The following RNF112 variants were observed in gnomAD, a reference collection of about 807,000 sequenced individuals.
The protein encoded by RNF112 is ring finger protein 112.
RNF112 carries 34 observed loss-of-function variants against 64.7 expected under a neutral mutation model. The ratio of observed to expected loss-of-function variants is 0.53; its 90% CI spans 0.40 to 0.70. RNF112 has a LOEUF of 0.70. Among genes scored for constraint, RNF112 ranks in the 30% least tolerant of loss-of-function variants. The pLI is 0.00. For missense variants in RNF112, 734 were observed against 850.0 expected, an observed-to-expected ratio of 0.86 and a Z score of 1.70; for synonymous variants, 345 against 344.5, an observed-to-expected ratio of 1.00 and a Z score of -0.02.
Position 19,416,387 on chromosome 17 carries a change from C to G in RNF112, c.*212C>G. On this transcript the variant is annotated 3_prime_UTR_variant, in exon 14 of 14. Coordinates refer to ENST00000461366, the MANE Select transcript of RNF112 (RefSeq NM_007148.5). ...GCATCTGGGGGCAGTGGATAGAACA[C>G]CCGGCCTGTTTCTGGTTGCAGATGG... The G allele has an allele frequency of 1.9e-6, 1 of 533,204 alleles. No homozygotes were observed. The highest frequency in any genetic ancestry group is 3.3e-6 in the Non-Finnish European group (1 of 304,560). 33.0% of individuals were successfully genotyped at this position (533,204 alleles called of 1,614,324 possible).
At position 19,414,885 on chromosome 17, in the gene RNF112, G is replaced by A. The variant is rs1567936589; in HGVS notation, c.1124G>A (p.Gly375Asp). The A allele has an allele frequency of 1.2e-6, 2 of 1,613,280 alleles. No individual in the cohort carries two copies. The highest frequency in any genetic ancestry group is 2.2e-5 in the East Asian group (1 of 44,868). Residue 375 changes from glycine (G) to aspartate (D), a missense_variant and splice_region_variant, in exon 10 of 14, where the codon GGT (glycine) becomes GAT (aspartate). Physicochemically the swap from Gly to Asp is moderately conservative, Grantham distance 94. Coordinates refer to ENST00000461366, the MANE Select transcript of RNF112 (RefSeq NM_007148.5). ...RRMNQGHASP[G>D]DTDDDFRHLL... ...ATGAACCAAGGCCATGCAAGCCCTG[G>A]TGGTGAGTGTCTCTGAGAGCTGAAC...
Position 19,413,265 on chromosome 17 carries a change from T to C in RNF112, c.589-15T>C. On this transcript the variant is annotated splice_polypyrimidine_tract_variant and intron_variant, in intron 4 of 13. Coordinates refer to ENST00000461366, the MANE Select transcript of RNF112 (RefSeq NM_007148.5). The surrounding 1 kb of genome is among the most constrained non-coding windows in gnomAD (Gnocchi z 5.9). ...GGAACCGACCAACTGATGCTCTCCC[T>C]TCTCTCCCCTGCAGGAGTCTGGTGA... 2 of 1,602,142 alleles carry C rather than the reference T, an allele frequency of 1.2e-6. No homozygotes were observed. Among genetic ancestry groups the C allele is most frequent in the Non-Finnish European group, 1.7e-6 (2 of 1,171,922 alleles).
chr17:19,411,734 G>T, intron 2 of RNF112, 64 bp downstream of exon 2: 9 of 1,507,434 alleles, frequency 6.0e-6, no homozygotes, highest in Non-Finnish European at 8.1e-6. Flanking sequence ...AGTTGAAATG[G>T]CCGGTCCTGG....
rs748210557 is a variant in RNF112, at chr17:19,415,055, C to T, written c.1144C>T (p.Arg382Cys). 37 of 1,588,436 alleles carry T rather than the reference C, an allele frequency of 2.3e-5. No homozygotes were observed. Among genetic ancestry groups the T allele is most frequent in the Non-Finnish European group, 2.8e-5 (33 of 1,167,144 alleles). ...TCCCTCAGACACAGATGATGACTTC[C>T]GCCACCTTCTGGGGGCCTACGTCTC... is the stretch of plus-strand genomic sequence containing the variant. The part of the protein sequence containing the change: ...ASPGDTDDDF[R>C]HLLGAYVSDV... The change falls in exon 11 of 14, where the codon CGC (arginine) becomes TGC (cysteine). Residue 382 changes from arginine (R) to cysteine (C), a missense_variant. By Grantham distance (180) the Arg-to-Cys change is radical. Transcript: ENST00000461366. The surrounding 1 kb of genome is among the most constrained non-coding windows in gnomAD (Gnocchi z 7.8).
chr17:19,414,851 A>C lies in RNF112; in HGVS notation c.1090A>C (p.Arg364=). Residue 364 remains arginine (R), a synonymous_variant, in exon 10 of 14, where the codon AGG becomes CGG. Coordinates refer to ENST00000461366, the MANE Select transcript of RNF112 (RefSeq NM_007148.5). The part of the protein sequence containing the change: ...ARCCLLPAPG[R]RRMNQGHASP... The stretch of plus-strand genomic sequence containing the variant: ...TTGCTGCCTCTTGCCTGCCCCAGGG[A>C]GGCGGCGGATGAACCAAGGCCATGC... The C allele has an allele frequency of 2.5e-6, 4 of 1,613,674 alleles. No homozygotes were observed. Among genetic ancestry groups the C allele is most frequent in the Non-Finnish European group, 3.4e-6 (4 of 1,179,816 alleles).
At position 19,413,301 on chromosome 17, in the gene RNF112, C is replaced by T. The variant is rs766944827; in HGVS notation, c.610C>T (p.Pro204Ser). ...PGLESGEGGR[P>S]RGGEASLQGC... ...GCAGGAGTCTGGTGAGGGCGGCCGG[C>T]CAAGAGGAGGAGAGGCATCCCTGCA... Residue 204 changes from proline (P) to serine (S), a missense_variant, in exon 5 of 14, where the codon CCA becomes TCA. Pro to Ser is a moderately conservative substitution (Grantham distance 74). Transcript: ENST00000461366. The surrounding 1 kb of genome is among the most constrained non-coding windows in gnomAD (Gnocchi z 5.9). The T allele has an allele frequency of 6.2e-7, 1 of 1,611,594 alleles. No homozygotes were observed. Among genetic ancestry groups the T allele is most frequent in the South Asian group, 1.1e-5 (1 of 90,906 alleles).
rs766786565 is a variant in RNF112 at position 19,413,202 on chromosome 17, G to C, written c.588+58G>C. On this transcript the variant is annotated intron_variant, in intron 4 of 13. Transcript: ENST00000461366. The surrounding 1 kb of genome is among the most constrained non-coding windows in gnomAD (Gnocchi z 5.9). ...GAGCAAGGATGGGGGTTCCTGCCTG[G>C]GGGAAGCTGGGTCTGGTATTCCGGT... is the stretch of plus-strand genomic sequence containing the variant. 6.3e-7 allele frequency: 1 copy of C among 1,596,956 alleles called. No homozygotes were observed. Among genetic ancestry groups the C allele is most frequent in the African/African-American group, 1.3e-5 (1 of 74,796 alleles).
At position 19,412,061 on chromosome 17, in the gene RNF112, C is replaced by T. The variant is rs1298201587; in HGVS notation, c.95+391C>T. Among the ~76,000 whole-genome samples, 3 of 152,216 alleles carry T rather than the reference C, an allele frequency of 2.0e-5. No individual in the cohort carries two copies. Among genetic ancestry groups the T allele is most frequent in the Non-Finnish European group, 4.4e-5 (3 of 68,034 alleles). Reference sequence around the variant, plus strand: ...AGAGGCTCTTCCCAAGCATTTGCACCAGGCACTGTGCAGACAGCTGCACAC... The same window carrying T: ...AGAGGCTCTTCCCAAGCATTTGCACTAGGCACTGTGCAGACAGCTGCACAC... On this transcript the variant is annotated intron_variant, in intron 2 of 13. Coordinates refer to ENST00000461366, the MANE Select transcript of RNF112 (RefSeq NM_007148.5). This position sits in a 1 kb window ranked among gnomAD's most constrained non-coding sequence, Gnocchi z 5.1.
At chr17:19,411,762 C>A in intron 2 of RNF112, 92 bp downstream of exon 2, 2 of 1,357,000 alleles carry the variant, frequency 1.5e-6, no homozygotes, top group Non-Finnish European at 2.0e-6. Flanking sequence ...AGCCCGGCAG[C>A]CCAGCCGGGA....
rs756594677 is a variant in RNF112 at position 19,414,758 on chromosome 17, G to A, written c.1009-12G>A. ...CCTCCTAGCTCAGAGCACTCCTCTC[G>A]CTGCCTCACAGAGATTGTCTGGCAG... On this transcript the variant is annotated splice_polypyrimidine_tract_variant and intron_variant, in intron 9 of 13. Coordinates refer to ENST00000461366, the MANE Select transcript of RNF112 (RefSeq NM_007148.5). 1.3e-5 allele frequency: 21 copies of A among 1,612,568 alleles called. No homozygotes were observed. The highest frequency in any genetic ancestry group is 2.2e-5 in the East Asian group (1 of 44,884).
Position 19,417,219 on chromosome 17 carries a change from G to A in RNF112, c.*1044G>A, listed in dbSNP as rs954479669. 6.6e-6 allele frequency: 1 copy of A among 152,204 alleles called. No homozygotes were observed. Among genetic ancestry groups the A allele is most frequent in the African/African-American group, 2.4e-5 (1 of 41,448 alleles). The allele number at this position is 152,204 out of a possible 1,614,324, so 9.4% of individuals were successfully genotyped here. A position where few individuals can be genotyped will look rare whatever the true frequency, so the allele number is the denominator to read the frequency against. On this transcript the variant is annotated 3_prime_UTR_variant, in exon 14 of 14. Coordinates refer to ENST00000461366, the MANE Select transcript of RNF112 (RefSeq NM_007148.5). ...TGACTTCTAGGCTATGAAACTTACA[G>A]GGTATGGGTGGGCACATTATCCTTT...
rs1913833352 is a variant in RNF112, at chr17:19,415,231, A to G, written c.1296+24A>G. ...AGGTGTGAAAACTCCCTGGAGACCC[A>G]GGCGACTCGGCTGGGCCCCTGCTCT... is the stretch of plus-strand genomic sequence containing the variant. On this transcript the variant is annotated intron_variant, in intron 11 of 13. Coordinates refer to ENST00000461366, the MANE Select transcript of RNF112 (RefSeq NM_007148.5). This position sits in a 1 kb window ranked among gnomAD's most constrained non-coding sequence, Gnocchi z 7.8. 2 of 1,599,790 alleles carry G rather than the reference A, an allele frequency of 1.3e-6. No homozygotes were observed. Among genetic ancestry groups the G allele is most frequent in the Non-Finnish European group, 8.5e-7 (1 of 1,176,332 alleles).
In RNF112 at chr17:19,415,238, T is replaced by C. The variant is rs1913833619; in HGVS notation, c.1296+31T>C. On this transcript the variant is annotated intron_variant, in intron 11 of 13. Transcript: ENST00000461366. The surrounding 1 kb of genome is among the most constrained non-coding windows in gnomAD (Gnocchi z 7.8). ...AAAACTCCCTGGAGACCCAGGCGAC[T>C]CGGCTGGGCCCCTGCTCTCCCTGAC... The C allele has an allele frequency of 3.1e-6, 5 of 1,598,252 alleles. No homozygotes were observed. The highest frequency in any genetic ancestry group is 4.3e-6 in the Non-Finnish European group (5 of 1,175,910).
rs1036596016 is a variant in RNF112 at position 19,412,320 on chromosome 17, C to T, written c.96-178C>T. 3.3e-5 allele frequency among the ~76,000 whole-genome samples: 5 copies of T among 152,108 alleles called. No homozygotes were observed. The highest frequency in any genetic ancestry group is 7.4e-5 in the Non-Finnish European group (5 of 68,004). On this transcript the variant is annotated intron_variant, in intron 2 of 13. Transcript: ENST00000461366. This position sits in a 1 kb window ranked among gnomAD's most constrained non-coding sequence, Gnocchi z 5.1. ...TCCTAGGACACATGTCAGTGAGGAA[C>T]GGGCAGAGCTTGGCCTCTCTGGGAG...
Position 19,411,466 on chromosome 17 carries a change from A to G in RNF112, c.54+4A>G. 1 of 1,411,114 alleles carries G rather than the reference A, an allele frequency of 7.1e-7. No individual in the cohort carries two copies. The highest frequency in any genetic ancestry group is 9.5e-7 in the Non-Finnish European group (1 of 1,057,712). The allele number at this position is 1,411,114 out of a possible 1,614,324, so 87.4% of individuals were successfully genotyped here. A position where few individuals can be genotyped will look rare whatever the true frequency, so the allele number is the denominator to read the frequency against. On this transcript the variant is annotated splice_donor_region_variant and intron_variant, in intron 1 of 13. Coordinates refer to ENST00000461366, the MANE Select transcript of RNF112 (RefSeq NM_007148.5). Reference sequence around the variant, plus strand: ...TTGTCATCGGCTTGGCAAACGGGCAAGTCTTCAGTCCTAAGATCGGGAAGG... The same window carrying G: ...TTGTCATCGGCTTGGCAAACGGGCAGGTCTTCAGTCCTAAGATCGGGAAGG...
chr17:19,414,365 G>A lies in RNF112; in HGVS notation c.877-84G>A, dbSNP rs34262398. The A allele has an allele frequency of 6.6e-5, 101 of 1,526,168 alleles. No homozygotes were observed. The African/African-American group carries it at 7.5e-4, about 11-fold the overall frequency. The allele number at this position is 1,526,168 out of a possible 1,614,324, so 94.5% of individuals were successfully genotyped here. A position where few individuals can be genotyped will look rare whatever the true frequency, so the allele number is the denominator to read the frequency against. On this transcript the variant is annotated intron_variant, in intron 7 of 13. Transcript: ENST00000461366. ...GGGGAGCCTAGCTCCTACAGCAGGC[G>A]TAGGGAGGTGGGGAGACAGGCTTGG... is the stretch of plus-strand genomic sequence containing the variant.
At position 19,413,374 on chromosome 17, in the gene RNF112, G is replaced by A. The variant is rs1222090722; in HGVS notation, c.683G>A (p.Trp228Ter). 2 of 1,613,062 alleles carry A rather than the reference G, an allele frequency of 1.2e-6. No individual in the cohort carries two copies. The highest frequency in any genetic ancestry group is 2.2e-5 in the East Asian group (1 of 44,848). ...ANGLARGIWM[W>*]SHPFLLGKEG... ...GGCCTCGCCAGGGGCATATGGATGT[G>A]GAGCCACCCCTTCTTGCTGGGGAAA... The change falls in exon 5 of 14, where the codon TGG becomes TAG. Residue 228 changes from tryptophan (W) to a stop codon, truncating the protein, a stop_gained. Coordinates refer to ENST00000461366, the MANE Select transcript of RNF112 (RefSeq NM_007148.5). LOFTEE classifies it high-confidence loss of function. This position sits in a 1 kb window ranked among gnomAD's most constrained non-coding sequence, Gnocchi z 5.9.
Position 19,412,968 on chromosome 17 carries a change from C to T in RNF112, c.412C>T (p.Leu138=). Residue 138 remains leucine, a synonymous_variant, in exon 4 of 14, where the codon CTG becomes TTG. Coordinates refer to ENST00000461366, the MANE Select transcript of RNF112 (RefSeq NM_007148.5). This position sits in a 1 kb window ranked among gnomAD's most constrained non-coding sequence, Gnocchi z 5.1. ...ETCPVRAEPL[L]LVRINASGGL... Reference sequence around the variant, plus strand: ...GTGTCCTGTGAGGGCGGAGCCGCTGCTGCTGGTTCGCATCAATGCCTCTGG... The same window carrying T: ...GTGTCCTGTGAGGGCGGAGCCGCTGTTGCTGGTTCGCATCAATGCCTCTGG... The T allele has an allele frequency of 6.2e-7, 1 of 1,604,880 alleles. No homozygotes were observed.
At chr17:19,411,858 A>C (rs1195589000) in intron 2 of RNF112, 188 bp downstream of exon 2, 2 of 647,576 alleles carry the variant, frequency 3.1e-6, no homozygotes, top group Non-Finnish European at 2.7e-6. Context: ...GGCAGATGCC[A>C]GCTCAGAGCA....
Sources: allele counts gnomAD v4.1 joint callset (sites outside exome capture counted in the v4.1 genomes callset), GRCh38; gene constraint gnomAD v4.1.1; non-coding constraint Gnocchi (gnomAD v3.1); transcripts MANE v1.5; gene names NCBI Gene and HGNC (gene_info 2026-07-23, HGNC 2026-07-21).